C6orf163: variants seen among roughly 807,000 people sequenced by gnomAD.
The protein encoded by C6orf163 is uncharacterized protein C6orf163.
In C6orf163, 22 loss-of-function variants were observed where a neutral mutation model predicts 28.4. That is an observed-to-expected ratio of 0.78 (90% CI 0.55 to 1.11). C6orf163 has a LOEUF of 1.11. C6orf163 is among the 50% of genes least tolerant of loss of function. The pLI is 0.00. For synonymous variants in C6orf163, 110 were observed against 123.6 expected, an observed-to-expected ratio of 0.89 and a Z score of 0.73; for missense variants, 342 against 389.1, an observed-to-expected ratio of 0.88 and a Z score of 1.02.
At chr6:87,345,734 C>A (rs1402006102) in intron 1 of C6orf163, among the ~76,000 whole-genome samples, 2 of 151,802 alleles carry the variant, frequency 1.3e-5, no homozygotes, top group Non-Finnish European at 2.9e-5. Flanking sequence ...CCAGCCTGGC[C>A]AACATGGCGA....
intron 4 of C6orf163, among the ~76,000 whole-genome samples, chr6:87,360,199 G>A (rs1208325825): frequency 6.6e-6 from 1 of 151,920 alleles, no homozygotes; most frequent in Admixed American, 6.6e-5. Context: ...AAGAAGGGAA[G>A]GAAAAACCAA....
At chr6:87,350,709 C>A (rs1458048031) in intron 3 of C6orf163, among the ~76,000 whole-genome samples, 1 of 152,214 alleles carries the variant, frequency 6.6e-6, no homozygotes, top group Non-Finnish European at 1.5e-5. Flanking sequence ...TAGCTTACTT[C>A]CCAAGGGAAG....
At chr6:87,351,326 CTT>C (rs1777409533) in intron 3 of C6orf163, among the ~76,000 whole-genome samples, 1 of 152,204 alleles carries the variant, frequency 6.6e-6, no homozygotes, top group Non-Finnish European at 1.5e-5. Context: ...TTTGGTCTAA[CTT>C]AGGAACAGTA....
intron 1 of C6orf163, chr6:87,348,209 TC>T (rs1351292621): frequency 2.0e-6 from 2 of 983,912 alleles, no homozygotes; most frequent in Non-Finnish European, 2.4e-6. Context: ...TATTGCGTGG[TC>T]CTCTAGCCTC....
chr6:87,356,636 C>G, intron 4 of C6orf163, 133 bp downstream of exon 4: 1 of 752,402 alleles, frequency 1.3e-6, no homozygotes, highest in South Asian at 1.9e-5. Context: ...ATGGAAAATA[C>G]CAAACATAGG....
chr6:87,356,672 G>A (rs1777507246), intron 4 of C6orf163, among the ~76,000 whole-genome samples, 169 bp downstream of exon 4: 1 of 152,160 alleles, frequency 6.6e-6, no homozygotes, highest in Non-Finnish European at 1.5e-5. Flanking sequence ...TAGAGTATGT[G>A]TGTGGTTTAA....
chr6:87,360,667 C>T (rs182516899), intron 4 of C6orf163, among the ~76,000 whole-genome samples: 39 of 152,246 alleles, frequency 2.6e-4, no homozygotes, highest in South Asian at 4.2e-4. Flanking sequence ...TCCCAAAGTG[C>T]TGGGATTACA....
At chr6:87,346,557 G>T (rs1312979422) in intron 1 of C6orf163, among the ~76,000 whole-genome samples, 1 of 152,136 alleles carries the variant, frequency 6.6e-6, no homozygotes, top group African/African-American at 2.4e-5. Flanking sequence ...TCATTGAACT[G>T]TTTTAAGTTA....
intron 3 of C6orf163, among the ~76,000 whole-genome samples, chr6:87,350,975 C>T (rs1438003515): frequency 6.6e-6 from 1 of 152,180 alleles, no homozygotes; most frequent in African/African-American, 2.4e-5. Flanking sequence ...TCTCCTCCTT[C>T]TCTGATTGCA....
At chr6:87,353,469 T>A (rs1413801334) in intron 3 of C6orf163, among the ~76,000 whole-genome samples, 3 of 152,028 alleles carry the variant, frequency 2.0e-5, no homozygotes, top group African/African-American at 7.2e-5. Context: ...ACACAATCAC[T>A]TTGTGCCAAA....
chr6:87,363,641 G>C (rs242289), intron 4 of C6orf163, among the ~76,000 whole-genome samples: 104,344 of 151,064 alleles, frequency 0.69, 37,533 homozygotes, highest in South Asian at 0.81. Context: ...ATGATGATTT[G>C]CAATTTCATC....
At chr6:87,348,693 G>A in intron 1 of C6orf163, 119 bp from the exon 2 acceptor site, 2 of 1,441,144 alleles carry the variant, frequency 1.4e-6, no homozygotes, top group South Asian at 1.5e-5. Flanking sequence ...TATATATACT[G>A]GCATCTCCTA....
intron 1 of C6orf163, chr6:87,347,639 C>G (rs1777347481): frequency 1.0e-6 from 1 of 985,136 alleles, no homozygotes; most frequent in Admixed American, 6.2e-5. Context: ...TTGCTAGTGA[C>G]AGAAACATAA....
chr6:87,348,179 A>G, intron 1 of C6orf163: 1 of 982,356 alleles, frequency 1.0e-6, no homozygotes, highest in Non-Finnish European at 1.2e-6. Flanking sequence ...ATCCCAGTGG[A>G]AAAAGACCTG....
In C6orf163 at chr6:87,365,087, G is replaced by C. The variant is rs1176443570; in HGVS notation, c.681G>C (p.Gln227His). Reference protein sequence around the residue: ...MSILYGIAQRQRQEEVQEVLQ... With the variant: ...MSILYGIAQRHRQEEVQEVLQ... ...TCCTCTATGGCATAGCTCAGAGGCA[G>C]AGGCAAGAAGAGGTACAGGAAGTGC... The change falls in exon 5 of 5, where the codon CAG becomes CAC. Residue 227 changes from glutamine to histidine, a missense_variant. By Grantham distance (24) the Gln-to-His change is conservative. Coordinates refer to ENST00000388923, the MANE Select transcript of C6orf163 (RefSeq NM_001010868.3). 6.4e-7 allele frequency: 1 copy of C among 1,551,902 alleles called. No individual in the cohort carries two copies. The highest frequency in any genetic ancestry group is 2.4e-5 in the East Asian group (1 of 40,932).
chr6:87,364,348 A>G (rs1023245361), intron 4 of C6orf163, among the ~76,000 whole-genome samples: 1 of 152,146 alleles, frequency 6.6e-6, no homozygotes, highest in African/African-American at 2.4e-5. Flanking sequence ...AATGTTTTTC[A>G]TAAGAGATTT....
At chr6:87,363,166 A>G (rs1347751670) in intron 4 of C6orf163, among the ~76,000 whole-genome samples, 1 of 152,132 alleles carries the variant, frequency 6.6e-6, no homozygotes, top group Non-Finnish European at 1.5e-5. Flanking sequence ...ACATGGTAAG[A>G]GGTCAACATG....
At position 87,356,469 on chromosome 6, in the gene C6orf163, C is replaced by G; in HGVS notation, c.520C>G (p.His174Asp). ...GGAGAAAGCCAGGGCTGAAGAAAGA[C>G]ACATCGCCCAGGAAGCAATCCAGGC... ...AVEKARAEERHIAQEAIQAQK... is the reference protein window; with the variant it reads ...AVEKARAEERDIAQEAIQAQK... The change falls in exon 4 of 5, where the codon CAC (histidine) becomes GAC (aspartate). Residue 174 changes from histidine (H) to aspartate (D), a missense_variant. His to Asp is a moderately conservative substitution (Grantham distance 81, BLOSUM62 -1). Coordinates refer to ENST00000388923, the MANE Select transcript of C6orf163 (RefSeq NM_001010868.3). 6.4e-7 allele frequency: 1 copy of G among 1,551,702 alleles called. No homozygotes were observed. The highest frequency in any genetic ancestry group is 2.4e-5 in the East Asian group (1 of 40,922).
At chr6:87,360,940 C>G (rs937998325) in intron 4 of C6orf163, among the ~76,000 whole-genome samples, 5 of 152,252 alleles carry the variant, frequency 3.3e-5, no homozygotes, top group Admixed American at 1.3e-4. Context: ...CTCCTGGCTT[C>G]AATTCCACAA....
Sources: allele counts gnomAD v4.1 joint callset (sites outside exome capture counted in the v4.1 genomes callset), GRCh38; gene constraint gnomAD v4.1.1; transcripts MANE v1.5; gene names NCBI Gene and HGNC (gene_info 2026-07-23, HGNC 2026-07-21).